Variants in GPM6A observed in about 807,000 individuals in gnomAD.
GPM6A encodes the protein neuronal membrane glycoprotein M6-a.
A neutral mutation model predicts 32.1 loss-of-function variants in GPM6A; 7 were observed. The observed-to-expected ratio is 0.22, with a 90% CI of 0.12 to 0.41. The LOEUF is 0.41. Among genes scored for constraint, GPM6A ranks in the 10% least tolerant of loss-of-function variants. The pLI, the probability that GPM6A is intolerant of heterozygous loss-of-function variation, is 1.00. For synonymous variants in GPM6A, 130 were observed against 123.4 expected, an observed-to-expected ratio of 1.05 and a Z score of -0.35; for missense variants, 235 against 347.2, an observed-to-expected ratio of 0.68 and a Z score of 2.57.
chr4:175,656,286 A>C (rs113604148), intron 3 of GPM6A, among the ~76,000 whole-genome samples: 112 of 152,240 alleles, frequency 7.4e-4, no homozygotes, highest in African/African-American at 2.4e-3. Flanking sequence ...TTAATAGCTG[A>C]CATATTCCAT....
intron 1 of GPM6A, among the ~76,000 whole-genome samples, chr4:175,942,602 C>T (rs1007566930): frequency 1.3e-5 from 2 of 152,124 alleles, no homozygotes; most frequent in African/African-American, 4.8e-5. Flanking sequence ...TATGGCTAGC[C>T]AGTTTTCCCA....
chr4:175,765,107 C>G (rs573300184), intron 1 of GPM6A, among the ~76,000 whole-genome samples: 1 of 152,020 alleles, frequency 6.6e-6, no homozygotes, highest in Non-Finnish European at 1.5e-5. Context: ...CTCCTGACCT[C>G]AGGTGATCCA....
chr4:175,891,927 G>C (rs939896773), intron 1 of GPM6A, among the ~76,000 whole-genome samples: 6 of 152,184 alleles, frequency 3.9e-5, no homozygotes, highest in Admixed American at 3.9e-4. Flanking sequence ...GATGCTGCAG[G>C]ATTGCCAGGA....
At chr4:175,912,857 T>A (rs2111510978) in intron 1 of GPM6A, among the ~76,000 whole-genome samples, 1 of 152,284 alleles carries the variant, frequency 6.6e-6, no homozygotes, top group African/African-American at 2.4e-5. Flanking sequence ...ATAATACCTG[T>A]CACCTTGTAG....
intron 3 of GPM6A, among the ~76,000 whole-genome samples, chr4:175,658,192 A>G (rs1388420011): frequency 6.6e-6 from 1 of 152,188 alleles, no homozygotes; most frequent in African/African-American, 2.4e-5. Flanking sequence ...AAACAGATAT[A>G]TAAACCCCAG....
intron 1 of GPM6A, among the ~76,000 whole-genome samples, chr4:175,933,421 GA>G (rs1369762000): frequency 1.3e-5 from 2 of 152,136 alleles, no homozygotes; most frequent in Non-Finnish European, 2.9e-5. Flanking sequence ...TACAGTTTTG[GA>G]AAACAGTGCA....
Position 175,685,295 on chromosome 4 carries a change from G to A in GPM6A, c.231-11459C>T, listed in dbSNP as rs76865956. Among the ~76,000 whole-genome samples, 1,157 of 152,206 alleles carry A rather than the reference G, an allele frequency of 7.6e-3. 5 individuals are homozygous for A. The highest frequency in any genetic ancestry group is 0.011 in the Non-Finnish European group (741 of 68,016). On this transcript the variant is annotated intron_variant, in intron 2 of 6. Coordinates refer to ENST00000393658, the MANE Select transcript of GPM6A (RefSeq NM_201591.3). Reference sequence around the variant, plus strand: ...TATACTGAATCTATTCATTAATTTTGAGAGAATTAACATTTTGATAATCCT... The same window carrying A: ...TATACTGAATCTATTCATTAATTTTAAGAGAATTAACATTTTGATAATCCT...
intron 1 of GPM6A, chr4:175,872,684 G>T (rs1736949357): frequency 6.6e-6 from 1 of 152,160 alleles, no homozygotes; most frequent in Non-Finnish European, 1.5e-5. Flanking sequence ...TCCAATGCCA[G>T]CCTAGGAACC....
intron 1 of GPM6A, among the ~76,000 whole-genome samples, chr4:175,974,934 T>C (rs1246922186): frequency 1.3e-5 from 2 of 152,174 alleles, no homozygotes; most frequent in East Asian, 3.9e-4. Flanking sequence ...TCTGCCTGCC[T>C]CAGCCTCCCA....
At position 175,633,337 on chromosome 4, in the gene GPM6A, A is replaced by C. The variant is rs1277590575; in HGVS notation, c.*1568T>G. 1 of 152,474 alleles carries C rather than the reference A, an allele frequency of 6.6e-6. No homozygotes were observed. Among genetic ancestry groups the C allele is most frequent in the Non-Finnish European group, 1.5e-5 (1 of 67,932 alleles). 9.4% of individuals were successfully genotyped at this position (152,474 alleles called of 1,614,324 possible). ...AAATGAACCCCAAATTAATTAAATA[A>C]TACTACGGAATGCATAATCATGCCA... On this transcript the variant is annotated 3_prime_UTR_variant, in exon 7 of 7. Coordinates refer to ENST00000393658, the MANE Select transcript of GPM6A (RefSeq NM_201591.3).
rs1252676558 is a variant in GPM6A, at chr4:175,921,615, T to C, written c.-23+80694A>G. On this transcript the variant is annotated intron_variant, in intron 1 of 7. Coordinates refer to the GPM6A transcript ENST00000280187. ...AAATAATTCCTAGGAAAAAATAGAA[T>C]TATGCCTTCATTTTGTTTATTCAGT... 3.9e-5 allele frequency among the ~76,000 whole-genome samples: 6 copies of C among 152,308 alleles called. No individual in the cohort carries two copies. The South Asian group carries it at 1.2e-3, about 32-fold the overall frequency.
At position 175,930,434 on chromosome 4, in the gene GPM6A, GTTT is replaced by G. The variant is rs66737053; in HGVS notation, c.-23+71872_-23+71874del. 2.5e-3 allele frequency among the ~76,000 whole-genome samples: 268 copies of G among 106,810 alleles called. 3 individuals carry two copies. The highest frequency in any genetic ancestry group is 6.4e-3 in the African/African-American group (246 of 38,502). The allele number at this position is 106,810 out of a possible 152,430, so 70.1% of individuals were successfully genotyped here. ...CTTTTCATCTGTTTTTTGGGGGGGGGTTTTTTTGTTGTTGTTTTTTTTAAGTTT... is the reference window on the plus strand; with the variant it reads ...CTTTTCATCTGTTTTTTGGGGGGGGGTTTTGTTGTTGTTTTTTTTAAGTTT... On this transcript the variant is annotated intron_variant, in intron 1 of 7. Transcript: ENST00000280187.
At chr4:175,757,980 A>G (rs993830143) in intron 1 of GPM6A, among the ~76,000 whole-genome samples, 1 of 152,212 alleles carries the variant, frequency 6.6e-6, no homozygotes, top group South Asian at 2.1e-4. Context: ...TAAATATGTT[A>G]TGTAACCTAA....
intron 1 of GPM6A, among the ~76,000 whole-genome samples, chr4:175,840,960 C>CACAATA (rs1370012338): frequency 1.3e-5 from 2 of 152,112 alleles, no homozygotes; most frequent in African/African-American, 4.8e-5. Flanking sequence ...ATGTAATTGT[C>CACAATA]ACAATAACTC....
chr4:175,934,390 A>T (rs1331681516), intron 1 of GPM6A, among the ~76,000 whole-genome samples: 2 of 152,240 alleles, frequency 1.3e-5, no homozygotes, highest in African/African-American at 4.8e-5. Flanking sequence ...CATCAAATAA[A>T]TAATTTACCT....
intron 1 of GPM6A, among the ~76,000 whole-genome samples, chr4:175,999,743 A>G (rs552569325): frequency 6.6e-6 from 1 of 152,232 alleles, no homozygotes; most frequent in South Asian, 2.1e-4. Context: ...ACCAGGAAAA[A>G]AACAAAAACA....
Position 175,838,114 on chromosome 4 carries a change from C to CAG in GPM6A, c.-22-25866_-22-25865insCT, listed in dbSNP as rs1334575184. Among the ~76,000 whole-genome samples the CAG allele has an allele frequency of 3.2e-3, 38 of 11,732 alleles. 1 individual carries two copies. The highest frequency in any genetic ancestry group is 0.032 in the South Asian group (15 of 464). The allele number at this position is 11,732 out of a possible 152,430, so 7.7% of individuals were successfully genotyped here. ...AAACACACACACACACACACACAGA[C>CAG]ACACACACACACACACACACACACA... On this transcript the variant is annotated intron_variant, in intron 1 of 7. Coordinates refer to the GPM6A transcript ENST00000280187.
chr4:175,771,527 G>C (rs1000843182), intron 1 of GPM6A, among the ~76,000 whole-genome samples: 1 of 148,596 alleles, frequency 6.7e-6, no homozygotes, highest in East Asian at 2.0e-4. Flanking sequence ...ACTCCAGCCT[G>C]GGCGACAGAG....
intron 1 of GPM6A, among the ~76,000 whole-genome samples, chr4:175,734,224 C>T (rs924448412): frequency 6.6e-6 from 1 of 150,730 alleles, no homozygotes; most frequent in Admixed American, 6.6e-5. Context: ...TCAATTTGTA[C>T]TTTTATTAAA....
Sources: gnomAD v4.1 joint callset for allele counts (sites outside exome capture counted in the v4.1 genomes callset) on GRCh38, gnomAD v4.1.1 for gene constraint, MANE v1.5 for transcripts, NCBI Gene and HGNC (gene_info 2026-07-23, HGNC 2026-07-21) for gene names.